The following NWD2 variants were observed in gnomAD, a reference collection of about 807,000 sequenced individuals.
The protein encoded by NWD2 is NACHT and WD repeat domain containing 2.
Under a neutral mutation model 132.7 loss-of-function variants are expected in NWD2, and 37 were observed. That is an observed-to-expected ratio of 0.28 (90% confidence interval 0.21 to 0.37). The LOEUF (loss-of-function observed/expected upper bound fraction) is 0.37, where lower values mean the gene tolerates loss of function less well. Ranked by LOEUF, NWD2 falls within the 10% of genes least tolerant of loss-of-function variation. The pLI, the probability that NWD2 is intolerant of heterozygous loss-of-function variation, is 1.00. For synonymous variants in NWD2, 705 were observed against 803.0 expected, an observed-to-expected ratio of 0.88 and a Z score of 2.06; for missense variants, 1,592 against 2,122.4, an observed-to-expected ratio of 0.75 and a Z score of 4.91.
chr4:37,383,490 A>G (rs1390086135), intron 3 of NWD2, among the ~76,000 whole-genome samples: 2 of 152,054 alleles, frequency 1.3e-5, no homozygotes, highest in African/African-American at 4.8e-5. Flanking sequence ...GAACTGCTCT[A>G]TTATTGGCCT....
At chr4:37,320,084 A>T (rs1442741054) in intron 1 of NWD2, among the ~76,000 whole-genome samples, 4 of 152,122 alleles carry the variant, frequency 2.6e-5, no homozygotes, top group Non-Finnish European at 5.9e-5. Context: ...CATTTTAATG[A>T]TATTGTGTCT....
intron 5 of NWD2, among the ~76,000 whole-genome samples, chr4:37,434,604 G>A (rs1712264670): frequency 6.6e-6 from 1 of 151,794 alleles, no homozygotes; most frequent in Non-Finnish European, 1.5e-5. Context: ...AGATGAGGTG[G>A]GCAAAAAGGA....
chr4:37,268,120 A>G (rs1717795552), intron 1 of NWD2, among the ~76,000 whole-genome samples: 1 of 151,888 alleles, frequency 6.6e-6, no homozygotes, highest in African/African-American at 2.4e-5. Flanking sequence ...CTGTGGGATA[A>G]AGTCTGAACT....
chr4:37,315,687 T>G (rs1306488033), intron 1 of NWD2, among the ~76,000 whole-genome samples: 2 of 152,150 alleles, frequency 1.3e-5, no homozygotes, highest in Non-Finnish European at 2.9e-5. Flanking sequence ...TTATTTGAAG[T>G]ATTTATTGAT....
At chr4:37,275,093 G>C (rs568383504) in intron 1 of NWD2, among the ~76,000 whole-genome samples, 18 of 152,158 alleles carry the variant, frequency 1.2e-4, no homozygotes, top group Non-Finnish European at 2.5e-4. Context: ...AACCAGGCAG[G>C]AGAAGGAAAT....
At chr4:37,265,252 A>G (rs1316451634) in intron 1 of NWD2, among the ~76,000 whole-genome samples, 1 of 152,164 alleles carries the variant, frequency 6.6e-6, no homozygotes, top group Non-Finnish European at 1.5e-5. Flanking sequence ...GACAAGATTT[A>G]ATGGATCTAA....
chr4:37,380,916 A>G (rs893035839), intron 3 of NWD2, among the ~76,000 whole-genome samples: 2 of 152,186 alleles, frequency 1.3e-5, no homozygotes, highest in Non-Finnish European at 1.5e-5. Context: ...CAATCAGGAA[A>G]TGCTCTTCTT....
intron 1 of NWD2, among the ~76,000 whole-genome samples, chr4:37,247,073 T>C (rs1193937210): frequency 1.3e-5 from 2 of 152,234 alleles, no homozygotes; most frequent in Non-Finnish European, 2.9e-5. Context: ...GCCCCTTGGC[T>C]ACGGTTTGAG....
intron 1 of NWD2, among the ~76,000 whole-genome samples, chr4:37,274,818 C>A (rs1717967821): frequency 6.6e-6 from 1 of 151,926 alleles, no homozygotes; most frequent in Admixed American, 6.6e-5. Context: ...TAAACAGAAC[C>A]AAAGACAAAA....
chr4:37,325,803 T>C (rs1719161788), intron 1 of NWD2, 133 bp from the exon 2 acceptor site: 1 of 578,830 alleles, frequency 1.7e-6, no homozygotes, highest in South Asian at 2.2e-5. Context: ...CAGCCAAATA[T>C]CCTGTTATTT....
rs143590726 is a variant in NWD2, at chr4:37,443,170, C to A, written c.1297-115C>A. 7,237 of 927,884 alleles carry A rather than the reference C, an allele frequency of 7.8e-3. 46 individuals carry two copies. The highest frequency in any genetic ancestry group is 0.015 in the South Asian group (814 of 52,808). 57.5% of individuals were successfully genotyped at this position (927,884 alleles called of 1,614,324 possible). A position where few individuals can be genotyped will look rare whatever the true frequency, so the allele number is the denominator to read the frequency against. On this transcript the variant is annotated intron_variant, in intron 6 of 6. Transcript: ENST00000309447. The surrounding 1 kb of genome is among the most constrained non-coding windows in gnomAD (Gnocchi z 4.1). The stretch of plus-strand genomic sequence containing the variant: ...GGTTTTTCCAATTTTTGGTCCTAAG[C>A]TATTTCCTGCACAGCAGAGGAGACC...
Position 37,245,009 on chromosome 4 carries a change from C to T in NWD2, c.-59C>T. ...CTGAGCCGTTCCGTGGAGCTGCGGG[C>T]AGGAACCCGAGGAGCAGGAGGTGGC... On this transcript the variant is annotated 5_prime_UTR_variant, in exon 1 of 7. Transcript: ENST00000309447. 1.3e-6 allele frequency: 2 copies of T among 1,534,668 alleles called. No individual in the cohort carries two copies. Among genetic ancestry groups the T allele is most frequent in the Non-Finnish European group, 1.7e-6 (2 of 1,144,116 alleles).
intron 3 of NWD2, among the ~76,000 whole-genome samples, chr4:37,406,754 G>A (rs1033556799): frequency 1.3e-5 from 2 of 152,244 alleles, no homozygotes; most frequent in African/African-American, 4.8e-5. Flanking sequence ...AAAGTAGCCA[G>A]GTGTGGTGGC....
At chr4:37,411,233 C>A (rs1474091005) in intron 3 of NWD2, among the ~76,000 whole-genome samples, 1 of 152,090 alleles carries the variant, frequency 6.6e-6, no homozygotes, top group African/African-American at 2.4e-5. Flanking sequence ...AAATAGACCA[C>A]TAGCCAGACT....
At chr4:37,297,189 G>A (rs1718512995) in intron 1 of NWD2, among the ~76,000 whole-genome samples, 1 of 152,000 alleles carries the variant, frequency 6.6e-6, no homozygotes, top group East Asian at 1.9e-4. Context: ...ACCAAAATTT[G>A]CACATGCTCA....
At chr4:37,385,565 G>A (rs1720543250) in intron 3 of NWD2, among the ~76,000 whole-genome samples, 1 of 152,120 alleles carries the variant, frequency 6.6e-6, no homozygotes, top group African/African-American at 2.4e-5. Flanking sequence ...TTCTGTGTGA[G>A]GACTGATTGA....
chr4:37,358,682 T>A (rs1719918106), intron 3 of NWD2, among the ~76,000 whole-genome samples: 1 of 152,168 alleles, frequency 6.6e-6, no homozygotes, highest in Non-Finnish European at 1.5e-5. Context: ...GTTATCTACC[T>A]CATCGGGTCA....
At chr4:37,378,714 C>T (rs1370676385) in intron 3 of NWD2, among the ~76,000 whole-genome samples, 1 of 151,988 alleles carries the variant, frequency 6.6e-6, no homozygotes, top group Non-Finnish European at 1.5e-5. Context: ...TTATACACTC[C>T]ATGTGTCCTT....
At chr4:37,310,790 C>G (rs1280399590) in intron 1 of NWD2, among the ~76,000 whole-genome samples, 2 of 109,042 alleles carry the variant, frequency 1.8e-5, no homozygotes, top group Non-Finnish European at 1.8e-5. Context: ...CCCCTCCCCC[C>G]ACCCCACAAC....
Sources: gnomAD v4.1 joint callset for allele counts (sites outside exome capture counted in the v4.1 genomes callset) on GRCh38, gnomAD v4.1.1 for gene constraint, Gnocchi (gnomAD v3.1) non-coding constraint, MANE v1.5 for transcripts, NCBI Gene and HGNC (gene_info 2026-07-23, HGNC 2026-07-21) for gene names.